The following MORN1 variants were observed in gnomAD, a reference collection of about 807,000 sequenced individuals.
The protein encoded by MORN1 is MORN repeat-containing protein 1.
MORN1 carries 67 observed loss-of-function variants against 61.9 expected under a neutral mutation model. The ratio of observed to expected loss-of-function variants is 1.08; its 90% CI spans 0.89 to 1.33. The LOEUF is 1.33. MORN1 is among the 40% of genes most tolerant of loss of function. The pLI, the probability that MORN1 is intolerant of heterozygous loss-of-function variation, is 0.00. For synonymous variants in MORN1, 301 were observed against 292.0 expected (o/e 1.03, Z -0.31); for missense variants, 752 against 691.2 (o/e 1.09, Z -0.99).
intron 3 of MORN1, 121 bp downstream of exon 3, chr1:2,388,118 C>T (rs1471157573): frequency 5.3e-6 from 4 of 752,014 alleles, no homozygotes; most frequent in Non-Finnish European, 8.9e-6. Flanking sequence ...GTAGGCCAGG[C>T]CTCTCACGGC....
Position 2,372,671 on chromosome 1 carries a change from C to T in MORN1, c.635-80G>A, listed in dbSNP as rs891989220. On this transcript the variant is annotated intron_variant, in intron 7 of 13. Transcript: ENST00000378531. This position sits in a 1 kb window ranked among gnomAD's most constrained non-coding sequence, Gnocchi z 5.4. ...CCCATGGCTGAGTCAGCAGTGGGCA[C>T]CCCAGGAACCGACCAGAGCCCAGTG... 298 of 1,078,458 alleles carry T rather than the reference C, an allele frequency of 2.8e-4. 4 individuals are homozygous for T. The highest frequency in any genetic ancestry group is 4.8e-5 in the Non-Finnish European group (35 of 735,330). The allele number at this position is 1,078,458 out of a possible 1,614,324, so 66.8% of individuals were successfully genotyped here.
intron 3 of MORN1, chr1:2,387,909 T>C: frequency 2.4e-6 from 1 of 419,862 alleles, no homozygotes; most frequent in South Asian, 4.0e-5. Flanking sequence ...CTGAGGTTCC[T>C]GGACACACAG....
intron 12 of MORN1, among the ~76,000 whole-genome samples, chr1:2,328,169 G>C (rs953803472): frequency 6.6e-6 from 1 of 152,382 alleles, no homozygotes; most frequent in Middle Eastern, 3.4e-3. Flanking sequence ...TCCATGACGC[G>C]GACACGTTCC....
intron 13 of MORN1, chr1:2,323,588 C>T (rs1444462607): frequency 1.0e-6 from 1 of 985,210 alleles, no homozygotes; most frequent in Non-Finnish European, 1.2e-6. Flanking sequence ...GAGGAGGCCC[C>T]ACGGCTGAGG....
intron 1 of MORN1, 69 bp from the exon 2 acceptor site, chr1:2,390,065 G>A: frequency 1.4e-6 from 2 of 1,443,540 alleles, no homozygotes; most frequent in Non-Finnish European, 1.9e-6. Context: ...CAGTGCTGAA[G>A]GAGGGAGTGC....
chr1:2,326,845 C>T (rs1163622339), intron 12 of MORN1, among the ~76,000 whole-genome samples: 2 of 152,210 alleles, frequency 1.3e-5, no homozygotes, highest in East Asian at 1.9e-4. Context: ...TCGGCCTCCC[C>T]GTCGGGGTTG....
In MORN1 at chr1:2,321,355, C is replaced by A. The variant is rs563379361; in HGVS notation, c.*28G>T. ...AGGCAGCGTTTCCTTCCATTCACAC[C>A]GAGGTGGCCTCCTGTGGACACGGGG... On this transcript the variant is annotated 3_prime_UTR_variant, in exon 14 of 14. Transcript: ENST00000378531. 2.1e-6 allele frequency: 3 copies of A among 1,428,984 alleles called. No homozygotes were observed. The highest frequency in any genetic ancestry group is 2.8e-6 in the Non-Finnish European group (3 of 1,074,424). The allele number at this position is 1,428,984 out of a possible 1,614,324, so 88.5% of individuals were successfully genotyped here. A position where few individuals can be genotyped will look rare whatever the true frequency, so the allele number is the denominator to read the frequency against.
intron 13 of MORN1, chr1:2,322,851 G>A (rs1640913241): frequency 6.1e-6 from 6 of 985,428 alleles, no homozygotes; most frequent in Middle Eastern, 5.2e-4. Context: ...TGGCGTCCCG[G>A]CGGATGGGAA....
chr1:2,391,543 G>T lies in MORN1; in HGVS notation c.-10C>A. 8.0e-7 allele frequency: 1 copy of T among 1,248,240 alleles called. No individual in the cohort carries two copies. The allele number at this position is 1,248,240 out of a possible 1,614,324, so 77.3% of individuals were successfully genotyped here. ...CGCCCGCCGCTGCCATCTTGCCGCC[G>T]AGGGTTCTCTTAGCGACCAGCAACG... On this transcript the variant is annotated 5_prime_UTR_variant, in exon 1 of 14. Coordinates refer to ENST00000378531, the MANE Select transcript of MORN1 (RefSeq NM_024848.3).
At chr1:2,324,234 G>C (rs374756416) in intron 12 of MORN1, 91 bp from the exon 13 acceptor site, 9 of 1,388,404 alleles carry the variant, frequency 6.5e-6, no homozygotes, top group African/African-American at 4.3e-5. Flanking sequence ...AGTGGCTCCA[G>C]GGCAGATTCA....
At chr1:2,385,176 A>C (rs888892187) in intron 5 of MORN1, 111 bp from the exon 6 acceptor site, 9 of 1,127,262 alleles carry the variant, frequency 8.0e-6, no homozygotes, top group Non-Finnish European at 1.2e-5. Flanking sequence ...ACCGAGGCAA[A>C]AATAGGCCCG....
intron 13 of MORN1, chr1:2,322,654 C>T (rs1640908743): frequency 2.0e-6 from 2 of 985,364 alleles, no homozygotes; most frequent in African/African-American, 1.7e-5. Context: ...GGGACAGCCT[C>T]CCTGGCGGGC....
intron 10 of MORN1, among the ~76,000 whole-genome samples, chr1:2,356,053 CCA>C (rs1188155005): frequency 6.6e-6 from 1 of 152,206 alleles, no homozygotes; most frequent in Non-Finnish European, 1.5e-5. Flanking sequence ...GGGGATCACC[CCA>C]GTGCGGCAGC....
At chr1:2,359,035 C>T (rs549572990) in intron 8 of MORN1, among the ~76,000 whole-genome samples, 4 of 152,278 alleles carry the variant, frequency 2.6e-5, no homozygotes, top group Non-Finnish European at 5.9e-5. Flanking sequence ...CCCCTGGCTC[C>T]ACCCCTGCCC....
chr1:2,387,678 G>A, intron 3 of MORN1, 149 bp from the exon 4 acceptor site: 1 of 635,084 alleles, frequency 1.6e-6, no homozygotes, highest in South Asian at 1.8e-5. Context: ...TCTGCTTCAT[G>A]AGGGAAAACA....
rs572925197 is a variant in MORN1 at position 2,344,959 on chromosome 1, C to T, written c.1037-8109G>A. ...AGGGTCCACGCATGCTCACACTCTGCGCTCATGGATGGCCACACACACCCT... is the reference window on the plus strand; with the variant it reads ...AGGGTCCACGCATGCTCACACTCTGTGCTCATGGATGGCCACACACACCCT... On this transcript the variant is annotated intron_variant, in intron 10 of 13. Transcript: ENST00000378531. Among the ~76,000 whole-genome samples the T allele has an allele frequency of 1.2e-4, 19 of 152,290 alleles. No individual in the cohort carries two copies. In the South Asian group the frequency reaches 3.1e-3, roughly 25 times the overall value.
chr1:2,321,477 C>T lies in MORN1; in HGVS notation c.1400G>A (p.Gly467Asp), dbSNP rs373332857. Residue 467 changes from glycine to aspartate, a missense_variant, in exon 14 of 14, where the codon GGC (glycine) becomes GAC (aspartate). Gly to Asp is a moderately conservative substitution (Grantham distance 94). Coordinates refer to ENST00000378531, the MANE Select transcript of MORN1 (RefSeq NM_024848.3). ...TTCTTCCAGGACATGGGGTGGCTGG[C>T]CAGCCCTCTTCGCTACGACCCGCAG... ...KHLRVVAKRA[G>D]QPPHVLEEGP... 5.3e-5 allele frequency: 81 copies of T among 1,531,470 alleles called. No homozygotes were observed. Among genetic ancestry groups the T allele is most frequent in the Non-Finnish European group, 6.1e-5 (70 of 1,138,488 alleles). The allele number at this position is 1,531,470 out of a possible 1,614,324, so 94.9% of individuals were successfully genotyped here. A position where few individuals can be genotyped will look rare whatever the true frequency, so the allele number is the denominator to read the frequency against.
chr1:2,325,146 C>CCCTTCCTTCCCTT (rs1640988428), intron 12 of MORN1, among the ~76,000 whole-genome samples: 29 of 19,376 alleles, frequency 1.5e-3, no homozygotes, highest in East Asian at 3.0e-3. Context: ...CTCCCTCCCT[C>CCCTTCCTTCCCTT]CCTTCCTTCC....
chr1:2,325,922 G>A (rs1641017198), intron 12 of MORN1, among the ~76,000 whole-genome samples: 1 of 152,214 alleles, frequency 6.6e-6, no homozygotes, highest in African/African-American at 2.4e-5. Context: ...ACCGTGCCCA[G>A]CTGAGATGTT....
Sources: gnomAD v4.1 joint callset for allele counts (sites outside exome capture counted in the v4.1 genomes callset) on GRCh38, gnomAD v4.1.1 for gene constraint, Gnocchi (gnomAD v3.1) non-coding constraint, MANE v1.5 for transcripts, NCBI Gene and HGNC (gene_info 2026-07-23, HGNC 2026-07-21) for gene names.